ZC3H15: variants seen among roughly 807,000 people sequenced by gnomAD.
ZC3H15 encodes the protein zinc finger CCCH-type containing 15.
ZC3H15 carries 15 observed loss-of-function variants against 51.2 expected under a neutral mutation model. The ratio of observed to expected loss-of-function variants is 0.29; its 90% CI spans 0.20 to 0.45. ZC3H15 has a LOEUF of 0.45. Among genes scored for constraint, ZC3H15 ranks in the 20% least tolerant of loss-of-function variants. The probability of loss-of-function intolerance (pLI) is 1.00; values close to 1 mark genes in which losing one functional copy is unlikely to be tolerated. For synonymous variants in ZC3H15, 144 were observed against 162.8 expected (o/e 0.88, Z 0.88); for missense variants, 381 against 494.7 (o/e 0.77, Z 2.18).
chr2:186,489,951 G>A (rs1195397574), intron 1 of ZC3H15, among the ~76,000 whole-genome samples: 6 of 152,186 alleles, frequency 3.9e-5, no homozygotes, highest in African/African-American at 1.4e-4. Context: ...GCCATATGGT[G>A]TATATATTCA....
At chr2:186,505,936 A>T in intron 8 of ZC3H15, 95 bp downstream of exon 8, 2 of 1,321,236 alleles carry the variant, frequency 1.5e-6, no homozygotes, top group Non-Finnish European at 2.1e-6. Flanking sequence ...CATCAGAGCC[A>T]CAGTGCCTGG....
chr2:186,492,277 C>T (rs888126351), intron 1 of ZC3H15, among the ~76,000 whole-genome samples: 1 of 152,148 alleles, frequency 6.6e-6, no homozygotes, highest in Admixed American at 6.5e-5. Flanking sequence ...GCATTTTATA[C>T]TTAGTTGCTG....
intron 2 of ZC3H15, chr2:186,497,197 A>G (rs1452031770): frequency 4.9e-6 from 2 of 408,324 alleles, no homozygotes; most frequent in Non-Finnish European, 4.7e-6. Flanking sequence ...GTAATGTAGG[A>G]GAGAAGAAAG....
intron 1 of ZC3H15, among the ~76,000 whole-genome samples, chr2:186,491,743 C>T (rs1685202173): frequency 6.6e-6 from 1 of 152,002 alleles, no homozygotes; most frequent in South Asian, 2.1e-4. Context: ...TTCTGAGTTT[C>T]TGTGTATCAT....
chr2:186,508,579 A>G lies in ZC3H15; in HGVS notation c.1127A>G (p.Glu376Gly). The G allele has an allele frequency of 6.2e-7, 1 of 1,614,000 alleles. No individual in the cohort carries two copies. Residue 376 changes from glutamate (E) to glycine (G), a missense_variant, in exon 10 of 10, where the codon GAA becomes GGA. Transcript: ENST00000337859. Reference protein sequence around the residue: ...KLSEASGGRAENGERSDLEED... With the variant: ...KLSEASGGRAGNGERSDLEED... Reference sequence around the variant, plus strand: ...AGTGAAGCTTCTGGAGGTAGGGCTGAAAATGGTGAAAGAAGTGACTTGGAA... The same window carrying G: ...AGTGAAGCTTCTGGAGGTAGGGCTGGAAATGGTGAAAGAAGTGACTTGGAA...
intron 3 of ZC3H15, 58 bp from the exon 4 acceptor site, chr2:186,501,215 A>C (rs1685377302): frequency 6.7e-7 from 1 of 1,484,360 alleles, no homozygotes; most frequent in Non-Finnish European, 9.0e-7. Flanking sequence ...TTCAGGTAGA[A>C]TCTATACTTT....
rs988461231 is a variant in ZC3H15 at position 186,508,925 on chromosome 2, C to G, written c.*192C>G. 3.2e-5 allele frequency: 21 copies of G among 657,152 alleles called. No homozygotes were observed. The African/African-American group carries it at 3.6e-4, about 11-fold the overall frequency. The allele number at this position is 657,152 out of a possible 1,614,324, so 40.7% of individuals were successfully genotyped here. A position where few individuals can be genotyped will look rare whatever the true frequency, so the allele number is the denominator to read the frequency against. ...CTTTGGCTACATCTCATAGTAAGTT[C>G]AGAGTAGTTCATGATAAATTGAAAA... On this transcript the variant is annotated 3_prime_UTR_variant, in exon 10 of 10. Transcript: ENST00000337859.
intron 8 of ZC3H15, chr2:186,506,098 A>G (rs1685462865): frequency 1.8e-6 from 1 of 541,094 alleles, no homozygotes; most frequent in Non-Finnish European, 3.4e-6. Context: ...AGTGCCTAGT[A>G]TGTGGTTGAG....
intron 1 of ZC3H15, among the ~76,000 whole-genome samples, chr2:186,488,433 G>T (rs1304520830): frequency 1.3e-5 from 2 of 152,152 alleles, no homozygotes; most frequent in African/African-American, 4.8e-5. Flanking sequence ...GGTAGCCTTT[G>T]TGTCCTTCTT....
intron 1 of ZC3H15, among the ~76,000 whole-genome samples, chr2:186,491,768 G>A (rs1685203640): frequency 6.6e-6 from 1 of 151,914 alleles, no homozygotes; most frequent in African/African-American, 2.4e-5. Flanking sequence ...TTGTTGAGAG[G>A]ATTCAATAAA....
intron 1 of ZC3H15, among the ~76,000 whole-genome samples, chr2:186,490,575 A>G (rs1371365987): frequency 6.6e-6 from 1 of 152,182 alleles, no homozygotes; most frequent in African/African-American, 2.4e-5. Flanking sequence ...TTTGGGAGAA[A>G]ACTAATGAGG....
intron 1 of ZC3H15, among the ~76,000 whole-genome samples, chr2:186,494,908 T>C (rs1685257425): frequency 6.6e-6 from 1 of 152,188 alleles, no homozygotes; most frequent in South Asian, 2.1e-4. Flanking sequence ...ATGGCACATG[T>C]ATACATATGT....
At position 186,504,170 on chromosome 2, in the gene ZC3H15, G is replaced by A; in HGVS notation, c.673G>A (p.Glu225Lys). Reference protein sequence around the residue: ...FVLKKDKKKEEKEDEISLEDL... With the variant: ...FVLKKDKKKEKKEDEISLEDL... ...GTTGAAAAAAGATAAAAAGAAAGAA[G>A]AGAAAGAAGATGAAATTTCATTAGA... The change falls in exon 6 of 10, where the codon GAG (glutamate) becomes AAG (lysine). Residue 225 changes from glutamate to lysine, a missense_variant. Physicochemically the swap from Glu to Lys is moderately conservative, Grantham distance 56. Coordinates refer to ENST00000337859, the MANE Select transcript of ZC3H15 (RefSeq NM_018471.3). 1 of 1,605,306 alleles carries A rather than the reference G, an allele frequency of 6.2e-7. No homozygotes were observed. The highest frequency in any genetic ancestry group is 1.1e-5 in the South Asian group (1 of 89,632).
intron 1 of ZC3H15, among the ~76,000 whole-genome samples, chr2:186,489,460 G>A (rs887266113): frequency 6.6e-6 from 1 of 152,084 alleles, no homozygotes; most frequent in South Asian, 2.1e-4. Context: ...TTTGGAGGGG[G>A]AAATACTACT....
At chr2:186,493,857 T>C (rs1195480967) in intron 1 of ZC3H15, among the ~76,000 whole-genome samples, 6 of 149,168 alleles carry the variant, frequency 4.0e-5, no homozygotes, top group African/African-American at 1.5e-4. Flanking sequence ...AGTTATTGGA[T>C]CTAGGGCCTA....
chr2:186,508,515 C>T lies in ZC3H15; in HGVS notation c.1091-28C>T, dbSNP rs538723504. On this transcript the variant is annotated intron_variant, in intron 9 of 9. Coordinates refer to ENST00000337859, the MANE Select transcript of ZC3H15 (RefSeq NM_018471.3). ...TGGAATGGTGTTTTCTGCTTCTACGCCTTACTGATTCCAGTTTTTATATTT... is the reference window on the plus strand; with the variant it reads ...TGGAATGGTGTTTTCTGCTTCTACGTCTTACTGATTCCAGTTTTTATATTT... 14 of 1,604,528 alleles carry T rather than the reference C, an allele frequency of 8.7e-6. No individual in the cohort carries two copies. The South Asian group carries it at 1.5e-4, about 18-fold the overall frequency.
Position 186,502,914 on chromosome 2 carries a change from G to A in ZC3H15, c.534+327G>A, listed in dbSNP as rs191804144. ...ATTTTTTTGCACAGAGTGGAAGGAG[G>A]CCTGTTAAACTAACCCACTTAATAA... On this transcript the variant is annotated intron_variant, in intron 5 of 9. Transcript: ENST00000337859. Among the ~76,000 whole-genome samples, 15 of 152,214 alleles carry A rather than the reference G, an allele frequency of 9.9e-5. No individual in the cohort carries two copies. In the East Asian group the frequency reaches 2.7e-3, roughly 27 times the overall value.
intron 1 of ZC3H15, chr2:186,486,940 T>C (rs1428486113): frequency 6.4e-6 from 1 of 155,364 alleles, no homozygotes; most frequent in African/African-American, 2.4e-5. Flanking sequence ...CTTGGTGGCT[T>C]TTTCGATCCA....
At chr2:186,494,744 C>G (rs1437668149) in intron 1 of ZC3H15, among the ~76,000 whole-genome samples, 1 of 152,104 alleles carries the variant, frequency 6.6e-6, no homozygotes, top group Non-Finnish European at 1.5e-5. Flanking sequence ...ACCTCATGTT[C>G]TCACTCATAG....
Sources: allele counts gnomAD v4.1 joint callset (sites outside exome capture counted in the v4.1 genomes callset), GRCh38; gene constraint gnomAD v4.1.1; transcripts MANE v1.5; gene names NCBI Gene and HGNC (gene_info 2026-07-23, HGNC 2026-07-21).